Variants in CDH13 observed in about 807,000 individuals in gnomAD.
CDH13 encodes the protein cadherin-13.
CDH13 carries 24 observed loss-of-function variants against 63.8 expected under a neutral mutation model. The ratio of observed to expected loss-of-function variants is 0.38; its 90% CI spans 0.27 to 0.53. The LOEUF (loss-of-function observed/expected upper bound fraction) is 0.53, where lower values mean the gene tolerates loss of function less well. CDH13 is among the 20% of genes least tolerant of loss of function. The pLI is 0.85. For synonymous variants in CDH13, 503 were observed against 355.3 expected, an observed-to-expected ratio of 1.42 and a Z score of -4.67; for missense variants, 1,049 against 903.1, an observed-to-expected ratio of 1.16 and a Z score of -2.07.
rs560159538 is a variant in CDH13 at position 82,909,299 on chromosome 16, C to T, written c.157+50826C>T. On this transcript the variant is annotated intron_variant, in intron 2 of 13. Coordinates refer to ENST00000567109, the MANE Select transcript of CDH13 (RefSeq NM_001257.5). ...GTGTGTGTGTGTGTGTGTGTAGACACGTAGAATTTTGTGATCTAGAAGTGT... is the reference window on the plus strand; with the variant it reads ...GTGTGTGTGTGTGTGTGTGTAGACATGTAGAATTTTGTGATCTAGAAGTGT... Among the ~76,000 whole-genome samples, 39 of 131,876 alleles carry T rather than the reference C, an allele frequency of 3.0e-4. 1 individual carries two copies. The highest frequency in any genetic ancestry group is 2.9e-3 in the South Asian group (12 of 4,190). 86.5% of individuals were successfully genotyped at this position (131,876 alleles called of 152,430 possible). A position where few individuals can be genotyped will look rare whatever the true frequency, so the allele number is the denominator to read the frequency against.
chr16:83,464,372 C>T (rs948248480), intron 6 of CDH13, among the ~76,000 whole-genome samples: 25 of 151,984 alleles, frequency 1.6e-4, no homozygotes, highest in South Asian at 2.1e-4. Context: ...ATGAGCCGGG[C>T]GTGATGGCAC....
chr16:83,109,721 C>G (rs1349496053), intron 3 of CDH13, among the ~76,000 whole-genome samples: 2 of 152,180 alleles, frequency 1.3e-5, no homozygotes, highest in African/African-American at 4.8e-5. Context: ...CTGTAGAGCG[C>G]TGCAAGATGC....
At chr16:83,542,489 A>T (rs566335385) in intron 7 of CDH13, among the ~76,000 whole-genome samples, 1 of 152,316 alleles carries the variant, frequency 6.6e-6, no homozygotes, top group African/African-American at 2.4e-5. Context: ...CCAACTTCCC[A>T]GGTGCATTCG....
Position 83,665,579 on chromosome 16 carries a change from A to C in CDH13, c.1102-5211A>C, listed in dbSNP as rs143880081. Among the ~76,000 whole-genome samples the C allele has an allele frequency of 4.3e-4, 66 of 152,226 alleles. 1 individual carries two copies. Among genetic ancestry groups the C allele is most frequent in the Non-Finnish European group, 8.7e-4 (59 of 68,002 alleles). ...AAATAGAAATTAGTGAGACCCTATA[A>C]TTTTTTTAAGCTAAGGGCCAGATGA... On this transcript the variant is annotated intron_variant, in intron 8 of 13. Transcript: ENST00000567109.
chr16:83,282,542 G>C (rs922734464), intron 5 of CDH13, among the ~76,000 whole-genome samples: 3 of 152,068 alleles, frequency 2.0e-5, no homozygotes, highest in African/African-American at 7.3e-5. Flanking sequence ...TAAAACCCCT[G>C]TCTATTTGGG....
rs1238231422 is a variant in CDH13 at position 83,800,050 on chromosome 16, C to G, written c.*5020C>G. On this transcript the variant is annotated 3_prime_UTR_variant, in exon 14 of 14. Coordinates refer to ENST00000567109, the MANE Select transcript of CDH13 (RefSeq NM_001257.5). ...CTCTCTCATACTATGTTGCTATCAT[C>G]ACATCTATCGTTGGAGGGTTGCTGA... 1 of 152,188 alleles carries G rather than the reference C, an allele frequency of 6.6e-6. No individual in the cohort carries two copies. The highest frequency in any genetic ancestry group is 1.5e-5 in the Non-Finnish European group (1 of 68,034). The allele number at this position is 152,188 out of a possible 1,614,324, so 9.4% of individuals were successfully genotyped here. A position where few individuals can be genotyped will look rare whatever the true frequency, so the allele number is the denominator to read the frequency against.
chr16:83,150,954 C>G (rs1326995580), intron 4 of CDH13, among the ~76,000 whole-genome samples: 1 of 152,092 alleles, frequency 6.6e-6, no homozygotes, highest in African/African-American at 2.4e-5. Context: ...ATTATATACC[C>G]CATCTTTTTT....
intron 5 of CDH13, among the ~76,000 whole-genome samples, chr16:83,335,789 C>G (rs552635702): frequency 5.3e-5 from 8 of 152,046 alleles, no homozygotes; most frequent in Non-Finnish European, 8.8e-5. Flanking sequence ...GTCACGTACC[C>G]CCTGCTTGCT....
intron 1 of CDH13, among the ~76,000 whole-genome samples, chr16:82,782,504 A>T (rs1266809719): frequency 6.6e-6 from 1 of 151,546 alleles, no homozygotes; most frequent in Admixed American, 6.6e-5. Flanking sequence ...GTGAGCCAAG[A>T]TCGTACCACT....
intron 7 of CDH13, among the ~76,000 whole-genome samples, chr16:83,530,427 G>A (rs2075058047): frequency 6.6e-6 from 1 of 152,152 alleles, no homozygotes; most frequent in Non-Finnish European, 1.5e-5. Context: ...CGTAGTCACG[G>A]AATCAGGACC....
At chr16:83,342,285 T>C (rs1397033210) in intron 5 of CDH13, among the ~76,000 whole-genome samples, 1 of 152,200 alleles carries the variant, frequency 6.6e-6, no homozygotes, top group East Asian at 1.9e-4. Flanking sequence ...ACTGAAATTA[T>C]CTTGTTCATA....
intron 2 of CDH13, among the ~76,000 whole-genome samples, chr16:82,946,381 C>A (rs1223026527): frequency 6.6e-6 from 1 of 152,070 alleles, no homozygotes; most frequent in African/African-American, 2.4e-5. Flanking sequence ...GATAGTCAAG[C>A]ACCCTGATTA....
chr16:82,664,205 A>G (rs779461092), intron 1 of CDH13, among the ~76,000 whole-genome samples: 8 of 152,234 alleles, frequency 5.3e-5, no homozygotes, highest in Non-Finnish European at 1.0e-4. Context: ...TTTTCACTAA[A>G]TTGTGCTGCA....
intron 1 of CDH13, among the ~76,000 whole-genome samples, chr16:82,667,837 G>A (rs1387996178): frequency 6.6e-6 from 1 of 152,124 alleles, no homozygotes; most frequent in East Asian, 1.9e-4. Flanking sequence ...ATTCATGGCT[G>A]TGCTGTTAGG....
intron 3 of CDH13, among the ~76,000 whole-genome samples, chr16:83,082,290 C>T (rs1319586101): frequency 2.0e-5 from 3 of 152,274 alleles, no homozygotes; most frequent in South Asian, 2.1e-4. Context: ...AAAGTCTTAA[C>T]TCGTTCCAGC....
intron 1 of CDH13, among the ~76,000 whole-genome samples, chr16:82,760,279 C>T (rs1195614424): frequency 1.3e-5 from 2 of 152,106 alleles, no homozygotes; most frequent in East Asian, 3.9e-4. Flanking sequence ...ATGCAATTAG[C>T]CTGTTATCAA....
intron 2 of CDH13, among the ~76,000 whole-genome samples, chr16:82,874,619 T>C (rs764696189): frequency 3.9e-5 from 6 of 152,204 alleles, no homozygotes; most frequent in Admixed American, 6.5e-5. Flanking sequence ...ATGTATACAT[T>C]AAATTCCATA....
At position 83,800,401 on chromosome 16, in the gene CDH13, C is replaced by A. The variant is rs922190352; in HGVS notation, c.*5371C>A. On this transcript the variant is annotated 3_prime_UTR_variant, in exon 14 of 14. Coordinates refer to ENST00000567109, the MANE Select transcript of CDH13 (RefSeq NM_001257.5). ...CTGATGACAAAATTTTATGTATCCC[C>A]CCAGATAAAAATTTTAAGAAATTTT... 1 of 152,118 alleles carries A rather than the reference C, an allele frequency of 6.6e-6. No homozygotes were observed. Among genetic ancestry groups the A allele is most frequent in the African/African-American group, 2.4e-5 (1 of 41,416 alleles). 9.4% of individuals were successfully genotyped at this position (152,118 alleles called of 1,614,324 possible).
intron 6 of CDH13, among the ~76,000 whole-genome samples, chr16:83,439,187 T>C (rs1208207082): frequency 2.0e-5 from 3 of 152,192 alleles, no homozygotes; most frequent in Admixed American, 6.5e-5. Flanking sequence ...TCTAATGTTT[T>C]ATTGGAAAGA....
Sources: allele counts gnomAD v4.1 joint callset (sites outside exome capture counted in the v4.1 genomes callset), GRCh38; gene constraint gnomAD v4.1.1; transcripts MANE v1.5; gene names NCBI Gene and HGNC (gene_info 2026-07-23, HGNC 2026-07-21).